CFAP299: variants seen among roughly 807,000 people sequenced by gnomAD.
CFAP299 encodes the protein cilia and flagella associated protein 299, also known as cilia- and flagella-associated protein 299.
Under a neutral mutation model 27.0 loss-of-function variants are expected in CFAP299, and 21 were observed. The observed-to-expected ratio is 0.78, with a 90% confidence interval of 0.55 to 1.12. The LOEUF is 1.12. Ranked by LOEUF, CFAP299 falls within the 50% of genes most tolerant of loss-of-function variation. The pLI is 0.00. For synonymous variants in CFAP299, 104 were observed against 98.1 expected, an observed-to-expected ratio of 1.06 and a Z score of -0.36; for missense variants, 310 against 276.6, an observed-to-expected ratio of 1.12 and a Z score of -0.86.
intron 3 of CFAP299, among the ~76,000 whole-genome samples, chr4:80,803,122 G>A (rs184379308): frequency 2.0e-5 from 3 of 152,014 alleles, no homozygotes; most frequent in East Asian, 1.9e-4. Context: ...AAATTTGTTC[G>A]ACTCCAAATT....
At chr4:80,640,833 C>T (rs1321491509) in intron 3 of CFAP299, among the ~76,000 whole-genome samples, 1 of 152,184 alleles carries the variant, frequency 6.6e-6, no homozygotes, top group African/African-American at 2.4e-5. Context: ...AAAGTGACAA[C>T]TTCTGCAGTT....
At chr4:80,581,453 G>GAGAGAT (rs1553936101) in intron 2 of CFAP299, among the ~76,000 whole-genome samples, 1 of 103,032 alleles carries the variant, frequency 9.7e-6, no homozygotes, top group African/African-American at 6.3e-5. Context: ...TATTAAGTGA[G>GAGAGAT]ATATATATAT....
At chr4:80,654,785 T>C (rs1159733499) in intron 3 of CFAP299, among the ~76,000 whole-genome samples, 1 of 93,878 alleles carries the variant, frequency 1.1e-5, no homozygotes, top group Non-Finnish European at 1.9e-5. Flanking sequence ...AATTTTTAAC[T>C]TTTTTTTTTT....
chr4:80,390,493 A>ATATATGTATATATACACACATATATG (rs1725268297), intron 2 of CFAP299, among the ~76,000 whole-genome samples: 4 of 129,632 alleles, frequency 3.1e-5, no homozygotes, highest in African/African-American at 1.2e-4. Context: ...CTCTCTCTCT[A>ATATATGTATATATACACACATATATG]TATATATGTA....
At chr4:80,606,530 GT>G (rs969072315) in intron 3 of CFAP299, among the ~76,000 whole-genome samples, 2 of 151,886 alleles carry the variant, frequency 1.3e-5, no homozygotes, top group African/African-American at 4.8e-5. Context: ...GCGAGAATCT[GT>G]TTTTTTAAAA....
intron 1 of CFAP299, among the ~76,000 whole-genome samples, chr4:80,338,117 A>G (rs1722251437): frequency 6.6e-6 from 1 of 152,098 alleles, no homozygotes; most frequent in Admixed American, 6.6e-5. Flanking sequence ...CACACACATC[A>G]TCATCATCAG....
chr4:80,507,175 A>G (rs1436090879), intron 2 of CFAP299, among the ~76,000 whole-genome samples: 2 of 152,100 alleles, frequency 1.3e-5, no homozygotes, highest in African/African-American at 2.4e-5. Context: ...GTAAGCATGT[A>G]AGAGATTGCA....
chr4:80,944,819 CT>C lies in CFAP299; in HGVS notation c.487del (p.Trp163GlyfsTer16), dbSNP rs1737385612. 6.3e-7 allele frequency: 1 copy of C among 1,599,390 alleles called. No homozygotes were observed. Among genetic ancestry groups the C allele is most frequent in the African/African-American group, 1.3e-5 (1 of 74,260 alleles). On this transcript the variant is annotated frameshift_variant, in exon 5 of 6. Transcript: ENST00000358105. LOFTEE classifies it high-confidence loss of function. ...PRPTDISFYN[W>X]DADIAVSNSS... is the part of the protein sequence containing the mutation. ...ATGTTTATTTTTATAGCTTTTACAA[CT>C]GGGACGCTGATATTGCTGTTAGTAA...
At chr4:80,902,455 T>G (rs1250180419) in intron 4 of CFAP299, among the ~76,000 whole-genome samples, 1 of 116,816 alleles carries the variant, frequency 8.6e-6, no homozygotes, top group Non-Finnish European at 1.6e-5. Flanking sequence ...GATATACATA[T>G]ATACATATAT....
chr4:80,369,750 G>T (rs974187700), intron 2 of CFAP299, among the ~76,000 whole-genome samples: 6 of 152,198 alleles, frequency 3.9e-5, no homozygotes, highest in Non-Finnish European at 5.9e-5. Context: ...GACACTTGCT[G>T]TTTTCCTTGG....
chr4:80,919,331 G>A (rs1366466496), intron 4 of CFAP299, among the ~76,000 whole-genome samples: 1 of 152,040 alleles, frequency 6.6e-6, no homozygotes, highest in Non-Finnish European at 1.5e-5. Flanking sequence ...TTAACACACA[G>A]CCCTCTAATT....
At chr4:80,626,539 CAG>C (rs1288598222) in intron 3 of CFAP299, among the ~76,000 whole-genome samples, 1 of 151,156 alleles carries the variant, frequency 6.6e-6, no homozygotes, top group Non-Finnish European at 1.5e-5. Context: ...AAAATCAGGA[CAG>C]AAATAAAATA....
intron 3 of CFAP299, among the ~76,000 whole-genome samples, chr4:80,661,572 G>T (rs6813992): frequency 0.046 from 6,919 of 151,978 alleles, 552 homozygotes; most frequent in African/African-American, 0.16. Flanking sequence ...CTATCTTTAC[G>T]TTAATCTCTT....
intron 3 of CFAP299, among the ~76,000 whole-genome samples, chr4:80,587,240 C>G (rs930386077): frequency 1.3e-5 from 2 of 151,974 alleles, no homozygotes; most frequent in Non-Finnish European, 1.5e-5. Context: ...ACAATCTTAC[C>G]CTCATTTTAA....
At chr4:80,643,758 G>T (rs1739844896) in intron 3 of CFAP299, among the ~76,000 whole-genome samples, 1 of 152,040 alleles carries the variant, frequency 6.6e-6, no homozygotes, top group Admixed American at 6.6e-5. Flanking sequence ...TTCACTCCAG[G>T]GAAGTAAGAA....
At chr4:80,433,757 A>C (rs548647693) in intron 2 of CFAP299, among the ~76,000 whole-genome samples, 5 of 152,306 alleles carry the variant, frequency 3.3e-5, no homozygotes, top group African/African-American at 1.2e-4. Flanking sequence ...GCACGTTAAA[A>C]AGAGGATACC....
intron 3 of CFAP299, among the ~76,000 whole-genome samples, chr4:80,745,139 C>T (rs542393091): frequency 3.9e-5 from 6 of 152,304 alleles, no homozygotes; most frequent in Middle Eastern, 3.4e-3. Context: ...TGAGAACTTA[C>T]ATATGTGAAG....
At chr4:80,451,991 A>G (rs1474960752) in intron 2 of CFAP299, among the ~76,000 whole-genome samples, 1 of 152,188 alleles carries the variant, frequency 6.6e-6, no homozygotes, top group East Asian at 1.9e-4. Context: ...AGGTAGGCAC[A>G]TTACTTGAGT....
intron 3 of CFAP299, among the ~76,000 whole-genome samples, chr4:80,673,719 T>C (rs1719181917): frequency 6.6e-6 from 1 of 152,210 alleles, no homozygotes; most frequent in Admixed American, 6.5e-5. Context: ...TGCATATATG[T>C]TTAGGATAGG....
Sources: gnomAD v4.1 joint callset for allele counts (sites outside exome capture counted in the v4.1 genomes callset) on GRCh38, gnomAD v4.1.1 for gene constraint, MANE v1.5 for transcripts, NCBI Gene and HGNC (gene_info 2026-07-23, HGNC 2026-07-21) for gene names.